Variants in DCDC1 observed in about 807,000 individuals in gnomAD.
DCDC1 encodes doublecortin domain containing 1, also known as doublecortin domain-containing protein 1.
DCDC1 carries 200 observed loss-of-function variants against 178.3 expected under a neutral mutation model. The ratio of observed to expected loss-of-function variants is 1.12; its 90% confidence interval spans 1.00 to 1.26. The LOEUF (loss-of-function observed/expected upper bound fraction) is 1.26, where lower values mean the gene tolerates loss of function less well. Ranked by LOEUF, DCDC1 falls within the 50% of genes most tolerant of loss-of-function variation. DCDC1 has a pLI of 0.00. For missense variants in DCDC1, 1,983 were observed against 1,749.2 expected (o/e 1.13, Z -2.38); for synonymous variants, 690 against 604.8 (o/e 1.14, Z -2.07).
At chr11:31,024,506 CTTA>C (rs778557903) in intron 20 of DCDC1, among the ~76,000 whole-genome samples, 2 of 151,726 alleles carry the variant, frequency 1.3e-5, no homozygotes, top group Non-Finnish European at 3.0e-5. Context: ...TATTGTAAAT[CTTA>C]TGTGTGTTTT....
At chr11:30,938,114 C>T (rs895910974) in intron 21 of DCDC1, among the ~76,000 whole-genome samples, 6 of 151,958 alleles carry the variant, frequency 3.9e-5, no homozygotes, top group Non-Finnish European at 2.9e-5. Context: ...TCCTCTTGTA[C>T]TCTTCCTTCC....
Position 30,949,331 on chromosome 11 carries a change from C to T in DCDC1, c.2715+3114G>A, listed in dbSNP as rs546772124. ...TACCATCTCACGCCAGTTAGAATAG[C>T]GATCATTAAAAAGTCAGGAAACAAC... On this transcript the variant is annotated intron_variant, in intron 21 of 38. Transcript: ENST00000684477. 5.9e-5 allele frequency among the ~76,000 whole-genome samples: 9 copies of T among 152,154 alleles called. No individual in the cohort carries two copies. The South Asian group carries it at 8.3e-4, about 14-fold the overall frequency.
intron 9 of DCDC1, among the ~76,000 whole-genome samples, chr11:31,162,992 A>G (rs1012322167): frequency 6.6e-6 from 1 of 152,130 alleles, no homozygotes; most frequent in Non-Finnish European, 1.5e-5. Context: ...CCTAATTACA[A>G]TTTGCTGAAG....
chr11:31,343,224 G>A (rs112208367), intron 1 of DCDC1, among the ~76,000 whole-genome samples: 3,369 of 152,240 alleles, frequency 0.022, 125 homozygotes, highest in African/African-American at 0.076. Flanking sequence ...AGACTGAGGC[G>A]AGAGGATCAC....
chr11:31,127,734 T>C lies in DCDC1; in HGVS notation c.1315-95A>G, dbSNP rs1390999489. 4.7e-6 allele frequency: 3 copies of C among 638,174 alleles called. No individual in the cohort carries two copies. The African/African-American group carries it at 5.4e-5, about 12-fold the overall frequency. 39.5% of individuals were successfully genotyped at this position (638,174 alleles called of 1,614,324 possible). ...AGTACCTAGCTTGATGGGGGGAAAA[T>C]GACTTCAATACAGGAATTTGAGTAC... is the stretch of plus-strand genomic sequence containing the variant. On this transcript the variant is annotated intron_variant, in intron 10 of 38. Transcript: ENST00000684477.
At chr11:31,033,199 T>C (rs1953780302) in intron 20 of DCDC1, among the ~76,000 whole-genome samples, 1 of 152,134 alleles carries the variant, frequency 6.6e-6, no homozygotes, top group African/African-American at 2.4e-5. Flanking sequence ...AAAAAGTCTG[T>C]TTCAAGTGTA....
intron 1 of DCDC1, among the ~76,000 whole-genome samples, chr11:31,360,243 T>C (rs1390436474): frequency 6.6e-6 from 1 of 152,174 alleles, no homozygotes. Flanking sequence ...CCCAGGTTCC[T>C]ATTAATACAT....
intron 20 of DCDC1, among the ~76,000 whole-genome samples, chr11:31,044,167 A>G (rs533465447): frequency 1.3e-5 from 2 of 152,214 alleles, no homozygotes; most frequent in East Asian, 1.9e-4. Context: ...GACAGAAGGA[A>G]AAGTCACAGA....
Position 31,103,777 on chromosome 11 carries a change from A to G in DCDC1, c.1752-8T>C. ...GCAAGATTTAGTGGAGATCTGAAAA[A>G]CGGATAAAACATCAAAACTATCTTC... On this transcript the variant is annotated splice_region_variant and splice_polypyrimidine_tract_variant and intron_variant, in intron 13 of 38. Coordinates refer to ENST00000684477, the MANE Select transcript of DCDC1 (RefSeq NM_001387274.1). The G allele has an allele frequency of 4.0e-6, 3 of 758,418 alleles. No homozygotes were observed. Among genetic ancestry groups the G allele is most frequent in the Non-Finnish European group, 7.2e-6 (3 of 415,856 alleles). The allele number at this position is 758,418 out of a possible 1,614,324, so 47.0% of individuals were successfully genotyped here. A position where few individuals can be genotyped will look rare whatever the true frequency, so the allele number is the denominator to read the frequency against.
intron 6 of DCDC1, among the ~76,000 whole-genome samples, 175 bp downstream of exon 6, chr11:31,305,440 G>A (rs551349069): frequency 8.5e-5 from 13 of 152,250 alleles, no homozygotes; most frequent in African/African-American, 2.9e-4. Context: ...AATAAACGTG[G>A]CTGTCAGTGG....
intron 1 of DCDC1, among the ~76,000 whole-genome samples, chr11:31,358,972 T>G (rs1951552141): frequency 1.3e-5 from 2 of 152,170 alleles, no homozygotes; most frequent in Non-Finnish European, 2.9e-5. Context: ...AGGAACACTA[T>G]TACACTGTTG....
intron 20 of DCDC1, among the ~76,000 whole-genome samples, chr11:31,037,428 C>A (rs1476979096): frequency 4.5e-5 from 2 of 44,876 alleles, no homozygotes; most frequent in Non-Finnish European, 8.4e-5. Context: ...CTAAATATTT[C>A]TTTCTTTTTT....
intron 15 of DCDC1, among the ~76,000 whole-genome samples, chr11:31,097,842 A>C (rs1958250779): frequency 6.6e-6 from 1 of 152,312 alleles, no homozygotes; most frequent in East Asian, 1.9e-4. Flanking sequence ...ATAGAACAGC[A>C]AAGAGTTGTT....
intron 4 of DCDC1, 58 bp from the exon 5 acceptor site, chr11:31,306,446 T>TA (rs1201034519): frequency 6.0e-6 from 9 of 1,500,482 alleles, no homozygotes; most frequent in Non-Finnish European, 8.0e-6. Context: ...AGCTTTTAAA[T>TA]AAATATTATC....
intron 20 of DCDC1, among the ~76,000 whole-genome samples, chr11:30,985,838 A>T (rs1280486799): frequency 6.6e-6 from 1 of 152,224 alleles, no homozygotes; most frequent in Non-Finnish European, 1.5e-5. Context: ...ATGGAAATAA[A>T]TTCCAAAACT....
intron 9 of DCDC1, among the ~76,000 whole-genome samples, chr11:31,146,287 T>C (rs557382720): frequency 6.6e-6 from 1 of 152,250 alleles, no homozygotes; most frequent in South Asian, 2.1e-4. Context: ...GGTTTCACCA[T>C]GTTGGCCAGG....
At chr11:31,158,112 TA>T (rs903497540) in intron 9 of DCDC1, among the ~76,000 whole-genome samples, 24 of 152,092 alleles carry the variant, frequency 1.6e-4, no homozygotes, top group African/African-American at 2.4e-4. Flanking sequence ...TATTTTATTA[TA>T]TTTTTTTGTT....
At position 31,102,221 on chromosome 11, in the gene DCDC1, G is replaced by T. The variant is rs1001135142; in HGVS notation, c.1939C>A (p.Gln647Lys). 4.1e-6 allele frequency: 3 copies of T among 736,720 alleles called. No individual in the cohort carries two copies. The highest frequency in any genetic ancestry group is 3.4e-5 in the African/African-American group (2 of 58,750). 45.6% of individuals were successfully genotyped at this position (736,720 alleles called of 1,614,324 possible). A position where few individuals can be genotyped will look rare whatever the true frequency, so the allele number is the denominator to read the frequency against. ...TTCTCCAAGTCCACCTTTTCAAACT[G>T]GTCAGGTATCTGTTGACTGGTACAG... ...FNCTSQQIPD[Q>K]FEKVDLENHF... Residue 647 changes from glutamine (Q) to lysine (K), a missense_variant, in exon 15 of 39, where the codon CAG becomes AAG. Transcript: ENST00000684477.
At chr11:31,252,503 T>C (rs1255821886) in intron 8 of DCDC1, among the ~76,000 whole-genome samples, 2 of 152,088 alleles carry the variant, frequency 1.3e-5, no homozygotes, top group South Asian at 2.1e-4. Flanking sequence ...GGAATAATAA[T>C]GCAATTTTAG....
Sources: allele counts gnomAD v4.1 joint callset (sites outside exome capture counted in the v4.1 genomes callset), GRCh38; gene constraint gnomAD v4.1.1; transcripts MANE v1.5; gene names NCBI Gene and HGNC (gene_info 2026-07-23, HGNC 2026-07-21).